The following POP1 variants were observed in gnomAD, a reference collection of about 807,000 sequenced individuals.
POP1 encodes POP1 ribonuclease P/MRP subunit.
In POP1, 75 loss-of-function variants were observed where a neutral mutation model predicts 102.2. The observed-to-expected ratio is 0.73, with a 90% confidence interval of 0.61 to 0.89. The LOEUF (loss-of-function observed/expected upper bound fraction) is 0.89. Ranked by LOEUF, POP1 falls within the 40% of genes least tolerant of loss-of-function variation. The pLI is 0.00. For missense variants in POP1, 1,116 were observed against 1,267.4 expected (o/e 0.88, Z 1.81); for synonymous variants, 436 against 464.1 (o/e 0.94, Z 0.78).
At chr8:98,155,013 T>C (rs932256073) in intron 14 of POP1, among the ~76,000 whole-genome samples, 1 of 152,206 alleles carries the variant, frequency 6.6e-6, no homozygotes, top group East Asian at 1.9e-4. Flanking sequence ...TGGAAGGCTA[T>C]GTAAGAAACT....
At chr8:98,132,642 A>G (rs1816409903) in intron 5 of POP1, among the ~76,000 whole-genome samples, 1 of 152,116 alleles carries the variant, frequency 6.6e-6, no homozygotes, top group Non-Finnish European at 1.5e-5. Context: ...TCAAGTAACA[A>G]TCTCTGTGTC....
intron 1 of POP1, among the ~76,000 whole-genome samples, chr8:98,120,956 A>AT (rs1211394926): frequency 6.6e-6 from 1 of 151,418 alleles, no homozygotes; most frequent in African/African-American, 2.4e-5. Context: ...TCATTTTTGT[A>AT]TTTTTTAGTA....
In POP1 at chr8:98,134,592, A is replaced by G; in HGVS notation, c.944A>G (p.Gln315Arg). The G allele has an allele frequency of 6.2e-7, 1 of 1,614,202 alleles. No individual in the cohort carries two copies. Reference protein sequence around the residue: ...LGPVTFIWKSQRTPGDPSESR... With the variant: ...LGPVTFIWKSRRTPGDPSESR... ...CCTGTTACGTTTATCTGGAAGTCCC[A>G]GAGGACCCCGGGTGACCCTTCTGAG... Residue 315 changes from glutamine to arginine, a missense_variant, in exon 7 of 16, where the codon CAG (glutamine) becomes CGG (arginine). Physicochemically the swap from Gln to Arg is conservative, Grantham distance 43 (BLOSUM62 1). Transcript: ENST00000401707.
chr8:98,143,165 G>A (rs1339381527), intron 11 of POP1, among the ~76,000 whole-genome samples: 3 of 152,188 alleles, frequency 2.0e-5, no homozygotes, highest in Non-Finnish European at 4.4e-5. Flanking sequence ...GTCTGTGTAT[G>A]AAAGAAAACA....
At chr8:98,133,905 G>T (rs370293029) in intron 5 of POP1, 44 bp from the exon 6 acceptor site, 2 of 1,462,376 alleles carry the variant, frequency 1.4e-6, no homozygotes, top group Non-Finnish European at 1.9e-6. Flanking sequence ...AGTTTTGCCT[G>T]TGTAAATTCC....
chr8:98,158,174 T>C lies in POP1; in HGVS notation c.2978T>C (p.Met993Thr), dbSNP rs1563788497. The C allele has an allele frequency of 6.2e-7, 1 of 1,611,440 alleles. No homozygotes were observed. The highest frequency in any genetic ancestry group is 8.5e-7 in the Non-Finnish European group (1 of 1,179,554). Residue 993 changes from methionine to threonine, a missense_variant, in exon 16 of 16, where the codon ATG becomes ACG. By Grantham distance (81) the Met-to-Thr change is moderately conservative. Transcript: ENST00000401707. ...GTTAGCTTGACAGGCTTGCTGGATA[T>C]GCTGTCCAGCCAGCCTGCAGCGCAG... ...GFVSLTGLLD[M>T]LSSQPAAQRG... is the part of the protein sequence containing the mutation.
chr8:98,152,739 A>G (rs1409412070), intron 14 of POP1, among the ~76,000 whole-genome samples: 2 of 152,214 alleles, frequency 1.3e-5, no homozygotes, highest in Admixed American at 6.5e-5. Flanking sequence ...CTCACATGCA[A>G]TTGCAGTGTG....
At chr8:98,142,350 C>T (rs1816727332) in intron 11 of POP1, among the ~76,000 whole-genome samples, 1 of 152,170 alleles carries the variant, frequency 6.6e-6, no homozygotes, top group Non-Finnish European at 1.5e-5. Flanking sequence ...AGCCACCATT[C>T]CCAGCTAGAG....
At chr8:98,121,779 T>A (rs1305205551) in intron 1 of POP1, among the ~76,000 whole-genome samples, 1 of 151,626 alleles carries the variant, frequency 6.6e-6, no homozygotes, top group African/African-American at 2.4e-5. Context: ...ACCTTCTGGG[T>A]TCACACCATT....
chr8:98,155,943 G>A (rs1310509031), intron 14 of POP1, 107 bp from the exon 15 acceptor site: 1 of 872,900 alleles, frequency 1.1e-6, no homozygotes, highest in Non-Finnish European at 1.8e-6. Flanking sequence ...GTGTGTGTGT[G>A]TGTGTGTGTG....
At chr8:98,127,131 C>G (rs1005014929) in intron 2 of POP1, among the ~76,000 whole-genome samples, 2 of 152,136 alleles carry the variant, frequency 1.3e-5, no homozygotes, top group African/African-American at 4.8e-5. Context: ...TCTGTGAGCA[C>G]TCCTTTATAA....
chr8:98,145,620 A>T (rs1436886575), intron 11 of POP1, among the ~76,000 whole-genome samples: 1 of 152,122 alleles, frequency 6.6e-6, no homozygotes, highest in Admixed American at 6.6e-5. Context: ...TTTTAAAGGG[A>T]TGAGGCTGGG....
At chr8:98,118,378 A>G (rs1315940193) in intron 1 of POP1, among the ~76,000 whole-genome samples, 1 of 151,780 alleles carries the variant, frequency 6.6e-6, no homozygotes, top group Admixed American at 6.6e-5. Context: ...TTTCCTACCA[A>G]TTCACATTTT....
In POP1 at chr8:98,158,263, G is replaced by C. The variant is rs142016700; in HGVS notation, c.3067G>C (p.Glu1023Gln). 5.6e-6 allele frequency: 9 copies of C among 1,609,146 alleles called. No homozygotes were observed. Among genetic ancestry groups the C allele is most frequent in the Admixed American group, 1.7e-5 (1 of 60,004 alleles). The change falls in exon 16 of 16, where the codon GAG becomes CAG. Residue 1023 changes from glutamate (E) to glutamine (Q), a missense_variant. Glu to Gln is a conservative substitution (Grantham distance 29). Coordinates refer to ENST00000401707, the MANE Select transcript of POP1 (RefSeq NM_001145860.2). ...GTATCGATTTGCGAGGATTGCTATTGAGGTGTGAATGCGTGCTTGTATCCC... is the reference window on the plus strand; with the variant it reads ...GTATCGATTTGCGAGGATTGCTATTCAGGTGTGAATGCGTGCTTGTATCCC... ...LQYRFARIAIEV is the reference protein window; with the variant it reads ...LQYRFARIAIQV
intron 7 of POP1, among the ~76,000 whole-genome samples, chr8:98,135,984 C>T (rs992691561): frequency 1.2e-4 from 18 of 152,064 alleles, no homozygotes; most frequent in African/African-American, 2.9e-4. Flanking sequence ...AGATTACAGA[C>T]GTGAGCCACC....
intron 1 of POP1, among the ~76,000 whole-genome samples, chr8:98,122,853 T>A (rs560519178): frequency 6.6e-6 from 1 of 152,346 alleles, no homozygotes; most frequent in South Asian, 2.1e-4. Context: ...TGGGAACTAC[T>A]GACTGGTAAA....
intron 9 of POP1, 123 bp downstream of exon 9, chr8:98,137,077 T>G: frequency 1.3e-6 from 1 of 788,488 alleles, no homozygotes; most frequent in South Asian, 1.6e-5. Flanking sequence ...TTTCCCTACT[T>G]ATTATGCTTA....
chr8:98,128,262 C>T, intron 3 of POP1, 103 bp from the exon 4 acceptor site: 1 of 1,099,162 alleles, frequency 9.1e-7, no homozygotes, highest in Non-Finnish European at 1.4e-6. Flanking sequence ...TCTCTTTACG[C>T]CTTCTTGGTG....
At chr8:98,142,079 A>G (rs1816720332) in intron 11 of POP1, among the ~76,000 whole-genome samples, 1 of 152,130 alleles carries the variant, frequency 6.6e-6, no homozygotes, top group Admixed American at 6.6e-5. Flanking sequence ...GGTGCAACGT[A>G]AAAGTTGCAG....
Sources: gnomAD v4.1 joint callset for allele counts (sites outside exome capture counted in the v4.1 genomes callset) on GRCh38, gnomAD v4.1.1 for gene constraint, MANE v1.5 for transcripts, NCBI Gene and HGNC (gene_info 2026-07-23, HGNC 2026-07-21) for gene names.